MAPKBP1: variants seen among roughly 807,000 people sequenced by gnomAD.
The protein encoded by MAPKBP1 is mitogen-activated protein kinase binding protein 1.
MAPKBP1 carries 71 observed loss-of-function variants against 170.5 expected under a neutral mutation model. The ratio of observed to expected loss-of-function variants is 0.42; its 90% CI spans 0.34 to 0.51. The LOEUF is 0.51. MAPKBP1 is among the 20% of genes least tolerant of loss of function. The pLI, the probability that MAPKBP1 is intolerant of heterozygous loss-of-function variation, is 0.06. For synonymous variants in MAPKBP1, 719 were observed against 757.9 expected (o/e 0.95, Z 0.84); for missense variants, 1,598 against 1,933.0 (o/e 0.83, Z 3.25).
intron 28 of MAPKBP1, 45 bp from the exon 29 acceptor site, chr15:41,823,402 C>T (rs1265998970): frequency 1.3e-6 from 2 of 1,571,416 alleles, no homozygotes; most frequent in East Asian, 2.3e-5. Flanking sequence ...ACCTGGGATG[C>T]CTTCCTCAAC....
At chr15:41,821,548 CCTCTG>C in intron 23 of MAPKBP1, 31 bp from the exon 24 acceptor site, 1 of 1,603,754 alleles carries the variant, frequency 6.2e-7, no homozygotes, top group Non-Finnish European at 8.5e-7. Context: ...TCATCTGTCA[CCTCTG>C]CTCTGTTAAC....
At chr15:41,813,876 A>G in intron 9 of MAPKBP1, 95 bp downstream of exon 9, 1 of 1,380,022 alleles carries the variant, frequency 7.2e-7, no homozygotes, top group African/African-American at 1.5e-5. Flanking sequence ...GAGTGTATTG[A>G]TGCCCCAAAG....
chr15:41,797,970 G>T (rs967849946), intron 2 of MAPKBP1, among the ~76,000 whole-genome samples: 3 of 152,102 alleles, frequency 2.0e-5, no homozygotes, highest in African/African-American at 7.2e-5. Flanking sequence ...AACAGGTTCA[G>T]CCGGGTGCGG....
At chr15:41,811,776 G>T in intron 5 of MAPKBP1, 181 bp from the exon 6 acceptor site, 1 of 727,296 alleles carries the variant, frequency 1.4e-6, no homozygotes, top group Non-Finnish European at 2.5e-6. Flanking sequence ...CTTTCTTCCT[G>T]GTAATCACTG....
intron 9 of MAPKBP1, among the ~76,000 whole-genome samples, 190 bp from the exon 10 acceptor site, chr15:41,814,360 A>T (rs2064854642): frequency 6.6e-6 from 1 of 152,190 alleles, no homozygotes; most frequent in Admixed American, 6.5e-5. Context: ...TCCGAACACC[A>T]TGGCCCAGCA....
At chr15:41,786,488 G>A (rs2064289662) in intron 2 of MAPKBP1, among the ~76,000 whole-genome samples, 1 of 151,800 alleles carries the variant, frequency 6.6e-6, no homozygotes, top group Non-Finnish European at 1.5e-5. Flanking sequence ...GGTATAGCCG[G>A]GCGTGGTGGC....
rs1555454078 is a variant in MAPKBP1 at position 41,819,554 on chromosome 15, G to GGGA, written c.2426-39_2426-38insAGG. The GGGA allele has an allele frequency of 3.3e-5, 49 of 1,495,344 alleles. 1 individual carries two copies. The highest frequency in any genetic ancestry group is 4.4e-5 in the Non-Finnish European group (48 of 1,089,946). The allele number at this position is 1,495,344 out of a possible 1,614,324, so 92.6% of individuals were successfully genotyped here. A position where few individuals can be genotyped will look rare whatever the true frequency, so the allele number is the denominator to read the frequency against. On this transcript the variant is annotated intron_variant, in intron 21 of 30. Coordinates refer to ENST00000457542, the MANE Select transcript of MAPKBP1 (RefSeq NM_014994.3). ...GGCTCCAGGGTTGGGTGGCGGGGGG[G>GGGA]GGGCAGGAGACACTTCCTCTGACTG...
intron 2 of MAPKBP1, among the ~76,000 whole-genome samples, chr15:41,786,560 A>C (rs559144601): frequency 2.2e-4 from 34 of 151,366 alleles, no homozygotes; most frequent in African/African-American, 4.1e-4. Flanking sequence ...GTCAGGAGAT[A>C]GAGACCATTG....
Position 41,825,358 on chromosome 15 carries a change from G to A in MAPKBP1, c.4449G>A (p.Glu1483=). 2 of 1,613,510 alleles carry A rather than the reference G, an allele frequency of 1.2e-6. No homozygotes were observed. The highest frequency in any genetic ancestry group is 2.2e-5 in the East Asian group (1 of 44,882). The change falls in exon 31 of 31, where the codon GAG becomes GAA. Residue 1483 remains glutamate (E), a synonymous_variant. Transcript: ENST00000457542. ...PGSSPGAVGA[E]QTQALLEQYS... Reference sequence around the variant, plus strand: ...GCAGCCCTGGGGCTGTGGGAGCCGAGCAGACACAGGCCCTGCTGGAGCAAT... The same window carrying A: ...GCAGCCCTGGGGCTGTGGGAGCCGAACAGACACAGGCCCTGCTGGAGCAAT...
chr15:41,786,777 A>AAATATATATATATATATAT, intron 2 of MAPKBP1, among the ~76,000 whole-genome samples: 84 of 32,304 alleles, frequency 2.6e-3, no homozygotes, highest in Non-Finnish European at 3.7e-3. Flanking sequence ...AAAAAAAAAA[A>AAATATATATATATATATAT]ATATATATAT....
intron 25 of MAPKBP1, 45 bp downstream of exon 25, chr15:41,822,155 G>GGT (rs760323467): frequency 3.8e-6 from 6 of 1,594,042 alleles, no homozygotes; most frequent in Admixed American, 1.7e-5. Context: ...GGTGGGGCCT[G>GGT]GAGGTGGGTG....
intron 3 of MAPKBP1, among the ~76,000 whole-genome samples, chr15:41,802,014 A>T (rs531952272): frequency 6.6e-6 from 1 of 152,176 alleles, no homozygotes; most frequent in Non-Finnish European, 1.5e-5. Context: ...GGTATAGCCT[A>T]CTACATACCT....
chr15:41,817,821 G>T lies in MAPKBP1; in HGVS notation c.1904+86G>T, dbSNP rs991669586. On this transcript the variant is annotated intron_variant, in intron 16 of 30. Transcript: ENST00000457542. The surrounding 1 kb of genome is among the most constrained non-coding windows in gnomAD (Gnocchi z 4.2). The stretch of plus-strand genomic sequence containing the variant: ...GTGCAGCTAAGTTCCCACATCTGTC[G>T]TTCTGTACAGGACTTTGTACCCCCT... 48 of 1,587,074 alleles carry T rather than the reference G, an allele frequency of 3.0e-5. No individual in the cohort carries two copies. Among genetic ancestry groups the T allele is most frequent in the Non-Finnish European group, 3.9e-5 (45 of 1,164,184 alleles).
At chr15:41,781,548 C>T (rs755639369) in intron 2 of MAPKBP1, among the ~76,000 whole-genome samples, 1 of 142,346 alleles carries the variant, frequency 7.0e-6, no homozygotes, top group Non-Finnish European at 1.5e-5. Context: ...GAGGCTGAGG[C>T]GGGATGATTG....
At chr15:41,790,432 G>C (rs1164562586) in intron 2 of MAPKBP1, among the ~76,000 whole-genome samples, 1 of 152,146 alleles carries the variant, frequency 6.6e-6, no homozygotes, top group Non-Finnish European at 1.5e-5. Context: ...AAAACCTTAA[G>C]TTCTTTGGGT....
Position 41,825,351 on chromosome 15 carries a change from G to A in MAPKBP1, c.4442G>A (p.Gly1481Glu). 2 of 1,613,506 alleles carry A rather than the reference G, an allele frequency of 1.2e-6. No individual in the cohort carries two copies. The highest frequency in any genetic ancestry group is 8.5e-7 in the Non-Finnish European group (1 of 1,180,002). ...SSPGSSPGAV[G>E]AEQTQALLEQ... is the part of the protein sequence containing the mutation. ...CCAGGCAGCAGCCCTGGGGCTGTGG[G>A]AGCCGAGCAGACACAGGCCCTGCTG... The change falls in exon 31 of 31, where the codon GGA (glycine) becomes GAA (glutamate). Residue 1481 changes from glycine to glutamate, a missense_variant. By Grantham distance (98) the Gly-to-Glu change is moderately conservative (BLOSUM62 -2). Around this residue, in one of 6 missense-constraint regions of MAPKBP1, gnomAD observed 942 missense variants for 953.2 expected, o/e 0.99. Transcript: ENST00000457542.
intron 2 of MAPKBP1, among the ~76,000 whole-genome samples, chr15:41,779,927 A>G (rs2064156715): frequency 6.6e-6 from 1 of 152,142 alleles, no homozygotes; most frequent in Non-Finnish European, 1.5e-5. Context: ...ATGTTCTCCT[A>G]GTTTTGTTTC....
In MAPKBP1 at chr15:41,819,262, A is replaced by G. The variant is rs1410275246; in HGVS notation, c.2308A>G (p.Met770Val). The G allele has an allele frequency of 1.9e-6, 3 of 1,613,880 alleles. No homozygotes were observed. Among genetic ancestry groups the G allele is most frequent in the African/African-American group, 1.3e-5 (1 of 74,876 alleles). ...CGGACTCAGGCACCAGGCCCCATCA[A>G]TGCTGTCTCCTGGACCGGCTCTCTC... ...SGPNRHQAPS[M>V]LSPGPALSSD... Residue 770 changes from methionine to valine, a missense_variant, in exon 21 of 31, where the codon ATG becomes GTG. Met to Val is a conservative substitution (Grantham distance 21). Transcript: ENST00000457542.
chr15:41,825,187 A>C, intron 30 of MAPKBP1, 22 bp from the exon 31 acceptor site: 3 of 1,553,278 alleles, frequency 1.9e-6, no homozygotes, highest in African/African-American at 2.7e-5. Flanking sequence ...CCTCCACCTC[A>C]CTTCTGGGGG....
Sources: allele counts gnomAD v4.1 joint callset (sites outside exome capture counted in the v4.1 genomes callset), GRCh38; gene constraint gnomAD v4.1.1; regional missense constraint gnomAD v4.1.1; non-coding constraint Gnocchi (gnomAD v3.1); transcripts MANE v1.5; gene names NCBI Gene and HGNC (gene_info 2026-07-23, HGNC 2026-07-21).